RBFOX1: variants seen among roughly 807,000 people sequenced by gnomAD.
RBFOX1 encodes the protein RNA binding fox-1 homolog 1, also known as RNA binding protein fox-1 homolog 1.
A neutral mutation model predicts 57.7 loss-of-function variants in RBFOX1; 8 were observed. That is an observed-to-expected ratio of 0.14 (90% confidence interval 0.08 to 0.25). The LOEUF (loss-of-function observed/expected upper bound fraction) is 0.25, where lower values mean the gene tolerates loss of function less well. Ranked by LOEUF, RBFOX1 falls within the 10% of genes least tolerant of loss-of-function variation. The pLI, the probability that RBFOX1 is intolerant of heterozygous loss-of-function variation, is 1.00. For synonymous variants in RBFOX1, 326 were observed against 222.4 expected, an observed-to-expected ratio of 1.47 and a Z score of -4.15; for missense variants, 611 against 548.5, an observed-to-expected ratio of 1.11 and a Z score of -1.14.
At chr16:5,419,436 A>G (rs540842292) in intron 1 of RBFOX1, among the ~76,000 whole-genome samples, 3 of 151,958 alleles carry the variant, frequency 2.0e-5, no homozygotes, top group African/African-American at 7.2e-5. Context: ...TTTTCTGGCA[A>G]TGCTGGCAGC....
At chr16:7,354,585 C>G (rs1188834781) in intron 4 of RBFOX1, among the ~76,000 whole-genome samples, 1 of 152,116 alleles carries the variant, frequency 6.6e-6, no homozygotes, top group East Asian at 1.9e-4. Context: ...ATGTGAAATG[C>G]TTAGGATTTC....
intron 2 of RBFOX1, among the ~76,000 whole-genome samples, chr16:6,382,440 G>T (rs1265337015): frequency 6.6e-6 from 1 of 152,194 alleles, no homozygotes; most frequent in South Asian, 2.1e-4. Flanking sequence ...CAAAGATTTG[G>T]TATCGGTAGG....
intron 3 of RBFOX1, among the ~76,000 whole-genome samples, chr16:6,837,012 C>T (rs1036263224): frequency 6.6e-6 from 1 of 152,084 alleles, no homozygotes; most frequent in African/African-American, 2.4e-5. Context: ...CACGGATGAA[C>T]ACACCTATTT....
intron 3 of RBFOX1, among the ~76,000 whole-genome samples, chr16:6,952,956 G>C (rs1407778769): frequency 1.1e-4 from 17 of 152,022 alleles, no homozygotes; most frequent in Non-Finnish European, 5.9e-5. Context: ...CTGGGGGACA[G>C]AGCAAAATTC....
intron 3 of RBFOX1, among the ~76,000 whole-genome samples, chr16:6,890,364 C>G (rs12149544): frequency 0.23 from 35,383 of 151,978 alleles, 4,218 homozygotes; most frequent in East Asian, 0.28. Context: ...ACTAAAAATA[C>G]GAAAATTAGC....
At chr16:5,999,861 C>G (rs1363966656) in intron 4 of RBFOX1, among the ~76,000 whole-genome samples, 2 of 86,008 alleles carry the variant, frequency 2.3e-5, no homozygotes, top group Non-Finnish European at 4.0e-5. Flanking sequence ...GAGCGAGACT[C>G]CACCTCAAAA....
intron 4 of RBFOX1, among the ~76,000 whole-genome samples, chr16:7,431,911 G>A (rs1051890735): frequency 6.6e-6 from 1 of 152,202 alleles, no homozygotes. Context: ...CAGGAGGCAG[G>A]GGCTTGTTTC....
intron 3 of RBFOX1, among the ~76,000 whole-genome samples, chr16:5,808,289 G>A (rs2055300356): frequency 6.6e-6 from 1 of 152,136 alleles, no homozygotes; most frequent in East Asian, 1.9e-4. Flanking sequence ...TCTCTGTATT[G>A]GTACCAGTGC....
At chr16:6,823,762 C>A (rs558588179) in intron 3 of RBFOX1, among the ~76,000 whole-genome samples, 9 of 152,198 alleles carry the variant, frequency 5.9e-5, no homozygotes, top group Admixed American at 4.6e-4. Flanking sequence ...ATATCAGCCA[C>A]TGTTCTAGTT....
chr16:6,088,515 C>T (rs909339896), intron 1 of RBFOX1, among the ~76,000 whole-genome samples: 6 of 137,210 alleles, frequency 4.4e-5, no homozygotes, highest in African/African-American at 1.4e-4. Flanking sequence ...CTTCCTCCCC[C>T]TTCCCTTTCC....
intron 4 of RBFOX1, among the ~76,000 whole-genome samples, chr16:7,248,325 G>A (rs1015911752): frequency 6.6e-6 from 1 of 152,306 alleles, no homozygotes; most frequent in Admixed American, 6.5e-5. Flanking sequence ...GTTCATAAAG[G>A]ACCGTGCTGT....
chr16:5,296,721 C>T (rs1045602244), intron 1 of RBFOX1, among the ~76,000 whole-genome samples: 3 of 151,266 alleles, frequency 2.0e-5, no homozygotes, highest in African/African-American at 4.9e-5. Flanking sequence ...CTCCGTCATC[C>T]AGGCTGGAGT....
chr16:7,450,638 C>T (rs1221221241), intron 4 of RBFOX1, among the ~76,000 whole-genome samples: 1 of 151,976 alleles, frequency 6.6e-6, no homozygotes, highest in African/African-American at 2.4e-5. Context: ...AGACCTCTCC[C>T]CTTTTTCACT....
intron 14 of RBFOX1, among the ~76,000 whole-genome samples, chr16:7,702,153 C>T (rs551550234): frequency 4.6e-5 from 7 of 152,300 alleles, no homozygotes; most frequent in African/African-American, 1.4e-4. Context: ...ACCTTACAAC[C>T]TGGGATTCTG....
At chr16:6,814,073 T>A (rs1436125678) in intron 3 of RBFOX1, among the ~76,000 whole-genome samples, 2 of 152,182 alleles carry the variant, frequency 1.3e-5, no homozygotes, top group Admixed American at 1.3e-4. Context: ...AAAGCAGATG[T>A]ATAATTTCTC....
At chr16:5,487,613 T>G (rs1048364620) in intron 2 of RBFOX1, among the ~76,000 whole-genome samples, 4 of 152,194 alleles carry the variant, frequency 2.6e-5, no homozygotes, top group Non-Finnish European at 4.4e-5. Context: ...TTTCTATCCC[T>G]GGGATGCTTT....
intron 4 of RBFOX1, among the ~76,000 whole-genome samples, chr16:7,290,075 G>T (rs1218283924): frequency 6.6e-6 from 1 of 152,106 alleles, no homozygotes; most frequent in Non-Finnish European, 1.5e-5. Flanking sequence ...CTGTTTCTCA[G>T]ATACCTACGT....
intron 3 of RBFOX1, among the ~76,000 whole-genome samples, chr16:6,954,056 G>C (rs1288553744): frequency 6.6e-6 from 1 of 152,172 alleles, no homozygotes; most frequent in African/African-American, 2.4e-5. Context: ...GCAAGAGAGA[G>C]AACTTCTCTG....
intron 1 of RBFOX1, among the ~76,000 whole-genome samples, chr16:6,294,839 G>A (rs1451835727): frequency 6.6e-6 from 1 of 152,134 alleles, no homozygotes; most frequent in Non-Finnish European, 1.5e-5. Flanking sequence ...TAAATAGGAG[G>A]AATGTGCTGT....
Sources: allele counts gnomAD v4.1 joint callset (sites outside exome capture counted in the v4.1 genomes callset), GRCh38; gene constraint gnomAD v4.1.1; transcripts MANE v1.5; gene names NCBI Gene and HGNC (gene_info 2026-07-23, HGNC 2026-07-21).